The following BCKDHB variants were observed in gnomAD, a reference collection of about 807,000 sequenced individuals.
BCKDHB encodes branched chain keto acid dehydrogenase E1 subunit beta, also known as 2-oxoisovalerate dehydrogenase subunit beta, mitochondrial.
In BCKDHB, 41 loss-of-function variants were observed where a neutral mutation model predicts 48.5. That is an observed-to-expected ratio of 0.85 (90% CI 0.66 to 1.10). The LOEUF (loss-of-function observed/expected upper bound fraction) is 1.10, where lower values mean the gene tolerates loss of function less well. Among genes scored for constraint, BCKDHB ranks in the 50% least tolerant of loss-of-function variants. BCKDHB has a pLI of 0.00. For missense variants in BCKDHB, 496 were observed against 494.2 expected (o/e 1.00, Z -0.03); for synonymous variants, 201 against 174.8 (o/e 1.15, Z -1.18).
intron 6 of BCKDHB, among the ~76,000 whole-genome samples, chr6:80,181,802 C>T (rs1280354628): frequency 6.6e-6 from 1 of 152,100 alleles, no homozygotes; most frequent in Non-Finnish European, 1.5e-5. Flanking sequence ...AAATAGACAC[C>T]ATCTCTTCAT....
At chr6:80,265,447 C>A (rs1011660123) in intron 8 of BCKDHB, among the ~76,000 whole-genome samples, 3 of 152,038 alleles carry the variant, frequency 2.0e-5, no homozygotes, top group Admixed American at 2.0e-4. Context: ...ATAAGGCAGT[C>A]ACAAGATGAC....
chr6:80,153,137 C>G (rs1175810571), intron 3 of BCKDHB, among the ~76,000 whole-genome samples: 1 of 146,418 alleles, frequency 6.8e-6, no homozygotes, highest in East Asian at 2.1e-4. Flanking sequence ...CTCTTGGGGT[C>G]TCTTTTTTGC....
intron 9 of BCKDHB, among the ~76,000 whole-genome samples, chr6:80,280,831 A>AT (rs1778163588): frequency 6.6e-6 from 1 of 152,114 alleles, no homozygotes; most frequent in South Asian, 2.1e-4. Flanking sequence ...AGAAAGGTGA[A>AT]TTTTTCAGAT....
the BCKDHB span, among the ~76,000 whole-genome samples, chr6:80,400,378 C>A: frequency 3.1e-4 from 47 of 151,568 alleles, no homozygotes; most frequent in Non-Finnish European, 5.7e-4. Flanking sequence ...CAAAAAACAC[C>A]GAAAAAACCA....
intron 8 of BCKDHB, among the ~76,000 whole-genome samples, chr6:80,228,226 A>G (rs549526275): frequency 6.6e-6 from 1 of 152,342 alleles, no homozygotes; most frequent in East Asian, 1.9e-4. Flanking sequence ...ATGATGGTTC[A>G]TTTAAATTTT....
At chr6:80,359,782 A>ACG in the BCKDHB span, among the ~76,000 whole-genome samples, 4 of 151,926 alleles carry the variant, frequency 2.6e-5, no homozygotes, top group Non-Finnish European at 5.9e-5. Flanking sequence ...TTTAGTAGAG[A>ACG]GGGTTTCACC....
the BCKDHB span, among the ~76,000 whole-genome samples, chr6:80,417,266 A>G: frequency 1.3e-5 from 2 of 152,030 alleles, no homozygotes; most frequent in African/African-American, 2.4e-5. Flanking sequence ...GGTCTCTCAG[A>G]GACATTATAT....
At chr6:80,197,253 G>A (rs1333276397) in intron 6 of BCKDHB, among the ~76,000 whole-genome samples, 1 of 152,108 alleles carries the variant, frequency 6.6e-6, no homozygotes, top group Non-Finnish European at 1.5e-5. Flanking sequence ...TAACTAAGAA[G>A]TATCTATGAA....
At chr6:80,300,861 A>G (rs1767543235) in intron 9 of BCKDHB, among the ~76,000 whole-genome samples, 1 of 152,220 alleles carries the variant, frequency 6.6e-6, no homozygotes. Context: ...AAGAGCTCTC[A>G]AAGCTACACA....
At chr6:80,416,966 G>A in the BCKDHB span, among the ~76,000 whole-genome samples, 1 of 151,738 alleles carries the variant, frequency 6.6e-6, no homozygotes, top group Non-Finnish European at 1.5e-5. Context: ...AAAATCTCCC[G>A]CTGTCATTGT....
At chr6:80,206,098 A>G (rs1774644630) in intron 8 of BCKDHB, among the ~76,000 whole-genome samples, 1 of 152,008 alleles carries the variant, frequency 6.6e-6, no homozygotes, top group African/African-American at 2.4e-5. Context: ...TAAGTAGAAA[A>G]TATCTGGAAA....
At chr6:80,189,203 G>T (rs1369552462) in intron 6 of BCKDHB, among the ~76,000 whole-genome samples, 3 of 152,110 alleles carry the variant, frequency 2.0e-5, no homozygotes, top group Non-Finnish European at 4.4e-5. Flanking sequence ...ATACACGGTT[G>T]TCAGTAATAT....
In BCKDHB at chr6:80,148,529, G is replaced by A. The variant is rs143325371; in HGVS notation, c.344-19149G>A. Among the ~76,000 whole-genome samples the A allele has an allele frequency of 1.7e-3, 262 of 152,172 alleles. 1 individual carries two copies. The highest frequency in any genetic ancestry group is 6.0e-3 in the African/African-American group (248 of 41,534). On this transcript the variant is annotated intron_variant, in intron 3 of 9. Coordinates refer to ENST00000320393, the MANE Select transcript of BCKDHB (RefSeq NM_183050.4). ...TCCCATTGCCACTATCATAGTTCAT[G>A]CTCCCAGTACTTTTGATCTGAATGA...
the BCKDHB span, among the ~76,000 whole-genome samples, chr6:80,451,830 T>C: frequency 2.0e-5 from 3 of 152,156 alleles, no homozygotes; most frequent in Non-Finnish European, 4.4e-5. Context: ...GCCAGTCTTT[T>C]CAAGGGGCTT....
At chr6:80,246,047 A>G (rs947604377) in intron 8 of BCKDHB, among the ~76,000 whole-genome samples, 2 of 152,150 alleles carry the variant, frequency 1.3e-5, no homozygotes, top group African/African-American at 4.8e-5. Flanking sequence ...CTGCACTCCA[A>G]TGTGTGTGAC....
intron 8 of BCKDHB, among the ~76,000 whole-genome samples, chr6:80,213,009 C>G (rs979148747): frequency 2.0e-5 from 3 of 152,066 alleles, no homozygotes; most frequent in African/African-American, 7.2e-5. Flanking sequence ...TCAAAAATTC[C>G]CAGTACCTGC....
chr6:80,346,816 A>G (rs1582605950), downstream of BCKDHB, among the ~76,000 whole-genome samples: 2 of 151,992 alleles, frequency 1.3e-5, no homozygotes, highest in African/African-American at 4.8e-5. Context: ...CACATTTTAG[A>G]CAAGCCTTAG....
intron 8 of BCKDHB, among the ~76,000 whole-genome samples, chr6:80,230,523 A>G (rs1460077704): frequency 6.6e-6 from 1 of 152,150 alleles, no homozygotes; most frequent in Non-Finnish European, 1.5e-5. Flanking sequence ...TTTTTTTTCT[A>G]TAAAGAGCCA....
intron 3 of BCKDHB, among the ~76,000 whole-genome samples, chr6:80,158,891 C>A (rs992101395): frequency 6.6e-6 from 1 of 152,170 alleles, no homozygotes; most frequent in Non-Finnish European, 1.5e-5. Flanking sequence ...TAGTGTTCAC[C>A]CTAGGCAGTA....
Sources: allele counts gnomAD v4.1 joint callset (sites outside exome capture counted in the v4.1 genomes callset), GRCh38; gene constraint gnomAD v4.1.1; transcripts MANE v1.5; gene names NCBI Gene and HGNC (gene_info 2026-07-23, HGNC 2026-07-21).